The following WWOX variants were observed in gnomAD, a reference collection of about 807,000 sequenced individuals.
WWOX encodes WW domain containing oxidoreductase, also known as WW domain-containing oxidoreductase.
WWOX carries 69 observed loss-of-function variants against 46.2 expected under a neutral mutation model. The observed-to-expected ratio is 1.49, with a 90% CI of 1.23 to 1.82. The LOEUF is 1.82. Among genes scored for constraint, WWOX ranks in the 40% most tolerant of loss-of-function variants. WWOX has a pLI of 0.00. For synonymous variants in WWOX, 359 were observed against 202.6 expected, an observed-to-expected ratio of 1.77 and a Z score of -6.56; for missense variants, 919 against 542.6, an observed-to-expected ratio of 1.69 and a Z score of -6.89.
At chr16:78,422,652 T>A (rs2082959126) in intron 6 of WWOX, among the ~76,000 whole-genome samples, 1 of 114,432 alleles carries the variant, frequency 8.7e-6, no homozygotes, top group Non-Finnish European at 1.7e-5. Context: ...AGCCTCCTGT[T>A]TTTTTTACAT....
At chr16:78,690,659 ACTCCCAAC>A (rs369635434) in intron 8 of WWOX, among the ~76,000 whole-genome samples, 28,318 of 152,134 alleles carry the variant, frequency 0.19, 3,039 homozygotes, top group South Asian at 0.32. Context: ...TCAGAAGGAT[ACTCCCAAC>A]CTGGTTCTTT....
chr16:78,608,704 C>G (rs532874393), intron 8 of WWOX, among the ~76,000 whole-genome samples: 2 of 152,198 alleles, frequency 1.3e-5, no homozygotes, highest in Non-Finnish European at 1.5e-5. Context: ...ACTGACATGA[C>G]GGGACCTTTA....
At chr16:78,135,344 G>T (rs1242794191) in intron 4 of WWOX, among the ~76,000 whole-genome samples, 1 of 152,182 alleles carries the variant, frequency 6.6e-6, no homozygotes, top group African/African-American at 2.4e-5. Flanking sequence ...AGAAGGAGGG[G>T]AAGCTTTAGT....
chr16:79,067,294 T>G (rs1223408734), intron 8 of WWOX, among the ~76,000 whole-genome samples: 1 of 152,166 alleles, frequency 6.6e-6, no homozygotes, highest in Non-Finnish European at 1.5e-5. Context: ...GCTAAAACCT[T>G]TGCAAGGTCC....
intron 8 of WWOX, among the ~76,000 whole-genome samples, chr16:78,725,853 C>G (rs908781583): frequency 3.3e-5 from 5 of 152,018 alleles, no homozygotes; most frequent in African/African-American, 1.2e-4. Flanking sequence ...GTGCATCACT[C>G]CAATCTGCCT....
chr16:78,672,213 G>A (rs940377830), intron 8 of WWOX, among the ~76,000 whole-genome samples: 2 of 152,116 alleles, frequency 1.3e-5, no homozygotes, highest in African/African-American at 4.8e-5. Context: ...GAAATTTTCA[G>A]GGAGCTTTAG....
intron 5 of WWOX, among the ~76,000 whole-genome samples, chr16:78,368,784 A>G (rs577935639): frequency 6.4e-4 from 97 of 152,064 alleles, no homozygotes; most frequent in Middle Eastern, 3.4e-3. Context: ...ATCGCGATTC[A>G]TTTGTCCCAT....
chr16:78,363,870 G>T (rs2081469958), intron 5 of WWOX, among the ~76,000 whole-genome samples: 1 of 152,168 alleles, frequency 6.6e-6, no homozygotes, highest in Non-Finnish European at 1.5e-5. Context: ...TCGAGGCAGG[G>T]CCTGGATGGG....
At chr16:78,845,973 C>G (rs2052288224) in intron 8 of WWOX, among the ~76,000 whole-genome samples, 1 of 152,098 alleles carries the variant, frequency 6.6e-6, no homozygotes, top group Non-Finnish European at 1.5e-5. Flanking sequence ...GAAGGGGTGG[C>G]CTAATCCAGT....
chr16:78,666,115 A>G (rs1164285325), intron 8 of WWOX, among the ~76,000 whole-genome samples: 1 of 152,056 alleles, frequency 6.6e-6, no homozygotes, highest in East Asian at 2.0e-4. Context: ...TGAGAGCCCC[A>G]TGTTTCTAAA....
At chr16:78,578,278 A>ATT (rs2044949393) in intron 8 of WWOX, among the ~76,000 whole-genome samples, 57 of 33,830 alleles carry the variant, frequency 1.7e-3, no homozygotes, top group African/African-American at 6.2e-3. Context: ...ATATATATAT[A>ATT]TATATATTTT....
chr16:78,522,280 C>T (rs182761657), intron 8 of WWOX, among the ~76,000 whole-genome samples: 3 of 151,314 alleles, frequency 2.0e-5, no homozygotes, highest in African/African-American at 7.3e-5. Flanking sequence ...AAAAAAAAAA[C>T]TAGTGAAATC....
chr16:78,714,978 C>G (rs1052805364), intron 8 of WWOX, among the ~76,000 whole-genome samples: 1 of 152,122 alleles, frequency 6.6e-6, no homozygotes, highest in Non-Finnish European at 1.5e-5. Context: ...AACACTATAA[C>G]TGCTCGGTAG....
rs566738871 is a variant in WWOX, at chr16:79,019,406, C to A, written c.1057-192202C>A. Reference sequence around the variant, plus strand: ...AGCTATGCAACGTGTGATTGGGCTGCGTACTGTAGGCAGTTGTAACAGTGG... The same window carrying A: ...AGCTATGCAACGTGTGATTGGGCTGAGTACTGTAGGCAGTTGTAACAGTGG... On this transcript the variant is annotated intron_variant, in intron 8 of 8. Transcript: ENST00000566780. Among the ~76,000 whole-genome samples the A allele has an allele frequency of 2.0e-5, 3 of 151,946 alleles. 1 individual carries two copies. The highest frequency in any genetic ancestry group is 4.4e-5 in the Non-Finnish European group (3 of 68,002).
At chr16:78,127,138 G>A (rs189449661) in intron 4 of WWOX, among the ~76,000 whole-genome samples, 196 of 152,272 alleles carry the variant, frequency 1.3e-3, no homozygotes, top group African/African-American at 4.6e-3. Context: ...ACCCGAGCAA[G>A]TTACTTTCCT....
intron 8 of WWOX, among the ~76,000 whole-genome samples, chr16:79,164,090 C>G (rs1418535185): frequency 6.6e-6 from 1 of 152,194 alleles, no homozygotes; most frequent in Non-Finnish European, 1.5e-5. Flanking sequence ...CATATAAAAG[C>G]TTTTCCTCGG....
intron 8 of WWOX, among the ~76,000 whole-genome samples, chr16:78,769,466 T>C (rs1199465895): frequency 6.6e-6 from 1 of 152,168 alleles, no homozygotes; most frequent in Non-Finnish European, 1.5e-5. Context: ...CTTGCTTGCA[T>C]TCTGTGACAG....
chr16:78,980,341 A>G (rs528678752), intron 8 of WWOX, among the ~76,000 whole-genome samples: 1 of 152,334 alleles, frequency 6.6e-6, no homozygotes, highest in East Asian at 1.9e-4. Context: ...CTTTATTTTG[A>G]GTAAACACTT....
chr16:78,181,293 G>T (rs181512353), intron 5 of WWOX, among the ~76,000 whole-genome samples: 11 of 152,244 alleles, frequency 7.2e-5, no homozygotes, highest in African/African-American at 2.4e-4. Flanking sequence ...GTGTGTGTGT[G>T]GGGGTGTTGA....
Sources: allele counts gnomAD v4.1 joint callset (sites outside exome capture counted in the v4.1 genomes callset), GRCh38; gene constraint gnomAD v4.1.1; transcripts MANE v1.5; gene names NCBI Gene and HGNC (gene_info 2026-07-23, HGNC 2026-07-21).